Variants in RALYL observed in about 807,000 individuals in gnomAD.
RALYL encodes RALY RNA binding protein like.
A neutral mutation model predicts 35.1 loss-of-function variants in RALYL; 29 were observed. The observed-to-expected ratio is 0.83, with a 90% CI of 0.61 to 1.13. The LOEUF is 1.13. Ranked by LOEUF, RALYL falls within the 50% of genes most tolerant of loss-of-function variation. RALYL has a pLI of 0.00. For synonymous variants in RALYL, 120 were observed against 127.6 expected, an observed-to-expected ratio of 0.94 and a Z score of 0.40; for missense variants, 359 against 360.4, an observed-to-expected ratio of 1.00 and a Z score of 0.03.
At chr8:84,693,203 C>T (rs1838423458) in intron 2 of RALYL, among the ~76,000 whole-genome samples, 1 of 151,756 alleles carries the variant, frequency 6.6e-6, no homozygotes, top group Non-Finnish European at 1.5e-5. Context: ...ATGTATTAGC[C>T]CATTCTCACA....
intron 2 of RALYL, among the ~76,000 whole-genome samples, chr8:84,730,483 G>A (rs1349994000): frequency 6.7e-6 from 1 of 148,954 alleles, no homozygotes; most frequent in African/African-American, 2.5e-5. Context: ...ACAAGACAGG[G>A]ATGCCCTCTC....
chr8:84,674,964 C>A (rs1403495722), intron 2 of RALYL, among the ~76,000 whole-genome samples: 2 of 149,534 alleles, frequency 1.3e-5, no homozygotes, highest in South Asian at 4.2e-4. Context: ...AGATATATGC[C>A]AATAGTGCAG....
intron 3 of RALYL, among the ~76,000 whole-genome samples, chr8:84,777,854 G>C (rs971521569): frequency 6.6e-6 from 1 of 152,060 alleles, no homozygotes; most frequent in African/African-American, 2.4e-5. Context: ...TGTTAGCCAG[G>C]ATAGTCTCGA....
rs535924312 is a variant in RALYL, at chr8:84,317,119, C to T, written c.-24+132695C>T. Among the ~76,000 whole-genome samples, 111 of 152,274 alleles carry T rather than the reference C, an allele frequency of 7.3e-4. 4 individuals are homozygous for T. In the South Asian group the frequency reaches 0.022, roughly 30 times the overall value. On this transcript the variant is annotated intron_variant, in intron 1 of 8. Transcript: ENST00000521268. ...GCAGCAGGGATGAAGCACATAAAAA[C>T]TTGCACTACATATTATTTTGTGATA...
At chr8:84,469,187 G>A (rs544410313) in intron 1 of RALYL, among the ~76,000 whole-genome samples, 1 of 152,328 alleles carries the variant, frequency 6.6e-6, no homozygotes, top group African/African-American at 2.4e-5. Flanking sequence ...TGCTGGTGAG[G>A]AACTGTGTTC....
chr8:84,657,980 G>T (rs778899644), intron 2 of RALYL, among the ~76,000 whole-genome samples: 4 of 152,140 alleles, frequency 2.6e-5, no homozygotes, highest in Non-Finnish European at 4.4e-5. Context: ...TGGTCAAGGG[G>T]ATCTCAGGGA....
intron 2 of RALYL, among the ~76,000 whole-genome samples, chr8:84,732,806 C>T (rs1253407671): frequency 6.6e-6 from 1 of 151,664 alleles, no homozygotes; most frequent in Admixed American, 6.6e-5. Context: ...AAGCGATTCT[C>T]CTGTCTCAGC....
intron 1 of RALYL, among the ~76,000 whole-genome samples, chr8:84,259,994 T>G (rs1322462158): frequency 6.6e-6 from 1 of 152,190 alleles, no homozygotes; most frequent in Non-Finnish European, 1.5e-5. Context: ...AGAGTCATTC[T>G]GGCTTGCATT....
chr8:84,462,401 C>T (rs2050908615), intron 1 of RALYL, among the ~76,000 whole-genome samples: 1 of 150,586 alleles, frequency 6.6e-6, no homozygotes, highest in Non-Finnish European at 1.5e-5. Flanking sequence ...TTGTTCCGTC[C>T]TCTGAATTGT....
At chr8:84,856,944 C>T (rs1467410353) in intron 5 of RALYL, among the ~76,000 whole-genome samples, 2 of 140,972 alleles carry the variant, frequency 1.4e-5, no homozygotes, top group African/African-American at 2.6e-5. Flanking sequence ...AGGAGAATGG[C>T]GTGAACCCGG....
intron 1 of RALYL, among the ~76,000 whole-genome samples, chr8:84,426,432 CTCTCTCTGTGTG>C (rs968662384): frequency 6.0e-5 from 4 of 67,140 alleles, no homozygotes; most frequent in African/African-American, 1.7e-4. Flanking sequence ...CGTTCTCTCT[CTCTCTCTGTGTG>C]TGTGTGTGTG....
At chr8:84,429,451 G>A (rs1479558315) in intron 1 of RALYL, among the ~76,000 whole-genome samples, 2 of 151,940 alleles carry the variant, frequency 1.3e-5, no homozygotes, top group African/African-American at 2.4e-5. Flanking sequence ...TACTTTCAAT[G>A]AGGGCTGAAA....
At chr8:84,225,178 C>T (rs1434944750) in intron 1 of RALYL, among the ~76,000 whole-genome samples, 2 of 152,154 alleles carry the variant, frequency 1.3e-5, no homozygotes, top group African/African-American at 2.4e-5. Context: ...CCTTAAGATT[C>T]TGGTATAAAA....
At chr8:84,284,689 G>A (rs1837264353) in intron 1 of RALYL, among the ~76,000 whole-genome samples, 3 of 152,040 alleles carry the variant, frequency 2.0e-5, no homozygotes, top group Non-Finnish European at 1.5e-5. Context: ...AGAGATTTTT[G>A]GATTAAAGGA....
At position 84,530,622 on chromosome 8, in the gene RALYL, T is replaced by C. The variant is rs146643855; in HGVS notation, c.256+1045T>C. Among the ~76,000 whole-genome samples, 1,086 of 152,278 alleles carry C rather than the reference T, an allele frequency of 7.1e-3. 7 individuals carry two copies. Among genetic ancestry groups the C allele is most frequent in the African/African-American group, 0.025 (1,034 of 41,564 alleles). The stretch of plus-strand genomic sequence containing the variant: ...CCATCTCATACAGCCCATGGTTGTA[T>C]CTCAGGGGCACTGAAATAACTCCCT... On this transcript the variant is annotated intron_variant, in intron 2 of 8. Coordinates refer to ENST00000521268, the MANE Select transcript of RALYL (RefSeq NM_173848.7).
intron 6 of RALYL, chr8:84,865,026 A>C (rs574342144): frequency 1.5e-4 from 28 of 181,216 alleles, no homozygotes; most frequent in African/African-American, 6.6e-4. Context: ...AACATTAATA[A>C]AAATTTATAA....
At chr8:84,917,553 A>T (rs987854765) in intron 8 of RALYL, among the ~76,000 whole-genome samples, 1 of 150,954 alleles carries the variant, frequency 6.6e-6, no homozygotes, top group Non-Finnish European at 1.5e-5. Context: ...GGGAAATTAC[A>T]TACTAGATGT....
chr8:84,428,629 G>C (rs1250670360), intron 1 of RALYL, among the ~76,000 whole-genome samples: 1 of 152,010 alleles, frequency 6.6e-6, no homozygotes, highest in Non-Finnish European at 1.5e-5. Context: ...ATTTTACTAT[G>C]TTTCTGTCCT....
At chr8:84,855,976 A>C (rs1187817993) in intron 5 of RALYL, among the ~76,000 whole-genome samples, 1 of 152,236 alleles carries the variant, frequency 6.6e-6, no homozygotes, top group Non-Finnish European at 1.5e-5. Context: ...ACGCAAGAAC[A>C]CTAAGTTACA....
Sources: gnomAD v4.1 joint callset for allele counts (sites outside exome capture counted in the v4.1 genomes callset) on GRCh38, gnomAD v4.1.1 for gene constraint, MANE v1.5 for transcripts, NCBI Gene and HGNC (gene_info 2026-07-23, HGNC 2026-07-21) for gene names.